The following ADD3 variants were observed in gnomAD, a reference collection of about 807,000 sequenced individuals.
The protein encoded by ADD3 is adducin 3, also known as gamma-adducin.
A neutral mutation model predicts 80.2 loss-of-function variants in ADD3; 25 were observed. The observed-to-expected ratio is 0.31, with a 90% confidence interval of 0.23 to 0.44. The LOEUF is 0.44. Among genes scored for constraint, ADD3 ranks in the 20% least tolerant of loss-of-function variants. ADD3 has a pLI of 1.00. For missense variants in ADD3, 829 were observed against 847.5 expected (o/e 0.98, Z 0.27); for synonymous variants, 284 against 289.6 (o/e 0.98, Z 0.20).
At chr10:110,015,239 A>C (rs892974519) in intron 1 of ADD3, among the ~76,000 whole-genome samples, 2 of 152,118 alleles carry the variant, frequency 1.3e-5, no homozygotes, top group South Asian at 2.1e-4. Context: ...AAGTGTGACA[A>C]ACCTTACTCA....
At chr10:110,009,803 G>A (rs888146879) in intron 1 of ADD3, among the ~76,000 whole-genome samples, 35 of 152,038 alleles carry the variant, frequency 2.3e-4, no homozygotes, top group African/African-American at 8.5e-4. Flanking sequence ...AGAAGAAACG[G>A]GTGTATCTAT....
At chr10:110,001,769 A>G (rs1851491547), upstream of ADD3, among the ~76,000 whole-genome samples, 1 of 152,186 alleles carries the variant, frequency 6.6e-6, no homozygotes, top group Non-Finnish European at 1.5e-5. Flanking sequence ...GTATTTTAGG[A>G]AACACTCCAA....
At chr10:110,098,343 TG>T (rs935085745) in intron 1 of ADD3, among the ~76,000 whole-genome samples, 2 of 152,202 alleles carry the variant, frequency 1.3e-5, no homozygotes, top group African/African-American at 4.8e-5. Flanking sequence ...TTAGAGTATC[TG>T]TTTTATAGGT....
intron 1 of ADD3, among the ~76,000 whole-genome samples, chr10:110,010,810 G>T (rs1048293431): frequency 3.3e-5 from 5 of 152,156 alleles, no homozygotes; most frequent in African/African-American, 4.8e-5. Context: ...ACTGCCCCTT[G>T]TTGCTATTGA....
rs1334386005 is a variant in ADD3 at position 110,126,480 on chromosome 10, ATTG to A, written c.1590_1592del (p.Val531del). 13 of 1,613,436 alleles carry A rather than the reference ATTG, an allele frequency of 8.1e-6. No individual in the cohort carries two copies. Among genetic ancestry groups the A allele is most frequent in the South Asian group, 6.6e-5 (6 of 91,070 alleles). On this transcript the variant is annotated inframe_deletion, in exon 12 of 15. Transcript: ENST00000356080. ...ACCACAATCTCAGTTGCTTGCTGGA[ATTG>A]TTGTGGATAAGCCACCTTCTGTAAG...
chr10:110,081,510 G>T (rs1846056684), intron 1 of ADD3, among the ~76,000 whole-genome samples: 2 of 152,040 alleles, frequency 1.3e-5, no homozygotes, highest in Non-Finnish European at 2.9e-5. Flanking sequence ...TGTTTAAAAA[G>T]AAGGTCTTAA....
At chr10:110,107,751 A>G (rs745934156) in intron 2 of ADD3, among the ~76,000 whole-genome samples, 14 of 152,210 alleles carry the variant, frequency 9.2e-5, no homozygotes, top group Non-Finnish European at 1.9e-4. Flanking sequence ...ATTAAATAAA[A>G]TAACATAAGA....
At chr10:110,041,507 A>G (rs1047953533) in intron 1 of ADD3, among the ~76,000 whole-genome samples, 4 of 152,154 alleles carry the variant, frequency 2.6e-5, no homozygotes, top group African/African-American at 9.7e-5. Flanking sequence ...CTCTAAGCCT[A>G]AGTTTCCTCA....
chr10:110,028,881 C>CTT (rs755564434), intron 1 of ADD3, among the ~76,000 whole-genome samples: 9,673 of 140,252 alleles, frequency 0.069, 454 homozygotes, highest in South Asian at 0.15. Flanking sequence ...CATCACTTTC[C>CTT]TTTTTTTTTT....
intron 1 of ADD3, among the ~76,000 whole-genome samples, chr10:109,999,663 A>T (rs933954595): frequency 1.3e-5 from 2 of 152,264 alleles, no homozygotes; most frequent in African/African-American, 4.8e-5. Context: ...CTTCAAGCAT[A>T]GTGCTTGGCA....
chr10:110,088,834 C>G (rs1316002568), intron 1 of ADD3, among the ~76,000 whole-genome samples: 1 of 152,092 alleles, frequency 6.6e-6, no homozygotes, highest in African/African-American at 2.4e-5. Context: ...TCCCTTTCCC[C>G]CACCGTGGCA....
In ADD3 at chr10:110,014,897, C is replaced by T. The variant is rs184876567; in HGVS notation, c.-30+6598C>T. Among the ~76,000 whole-genome samples the T allele has an allele frequency of 2.1e-4, 32 of 151,084 alleles. No homozygotes were observed. The East Asian group carries it at 2.7e-3, about 13-fold the overall frequency. On this transcript the variant is annotated intron_variant, in intron 1 of 14. Coordinates refer to ENST00000356080, the MANE Select transcript of ADD3 (RefSeq NM_016824.5). ...GGAAGGTAGAATTTTTTTTTTGAGACGGAGTCTCGCACTGTTGCCAGGCTG... is the reference window on the plus strand; with the variant it reads ...GGAAGGTAGAATTTTTTTTTTGAGATGGAGTCTCGCACTGTTGCCAGGCTG...
At chr10:110,131,698 A>G (rs1853027738) in intron 13 of ADD3, among the ~76,000 whole-genome samples, 1 of 152,266 alleles carries the variant, frequency 6.6e-6, no homozygotes, top group Non-Finnish European at 1.5e-5. Flanking sequence ...TTATTCTAAC[A>G]TAAAGTTGGG....
chr10:110,038,055 G>A lies in ADD3; in HGVS notation c.-30+29756G>A, dbSNP rs147625774. 4.7e-3 allele frequency among the ~76,000 whole-genome samples: 416 copies of A among 88,062 alleles called. 2 individuals are homozygous for A. Among genetic ancestry groups the A allele is most frequent in the Non-Finnish European group, 6.5e-3 (317 of 48,414 alleles). The allele number at this position is 88,062 out of a possible 152,430, so 57.8% of individuals were successfully genotyped here. A position where few individuals can be genotyped will look rare whatever the true frequency, so the allele number is the denominator to read the frequency against. ...TTGCACTCCAGCCTGGGCAACAAGAGTAAAACTCCGTCTCAAAAAAAAAAA... is the reference window on the plus strand; with the variant it reads ...TTGCACTCCAGCCTGGGCAACAAGAATAAAACTCCGTCTCAAAAAAAAAAA... On this transcript the variant is annotated intron_variant, in intron 1 of 14. Coordinates refer to ENST00000356080, the MANE Select transcript of ADD3 (RefSeq NM_016824.5).
chr10:110,052,446 C>T (rs559301692), intron 1 of ADD3, among the ~76,000 whole-genome samples: 2 of 152,276 alleles, frequency 1.3e-5, no homozygotes, highest in African/African-American at 2.4e-5. Flanking sequence ...CATAGGGGCC[C>T]GAACCCTGTT....
chr10:110,079,539 T>C (rs11812156), intron 1 of ADD3, among the ~76,000 whole-genome samples: 17,850 of 148,652 alleles, frequency 0.12, 3,549 homozygotes, highest in African/African-American at 0.41. Context: ...TATAAAATTA[T>C]ACCATTATGT....
chr10:110,036,745 T>C (rs1338334003), intron 1 of ADD3, among the ~76,000 whole-genome samples: 2 of 152,156 alleles, frequency 1.3e-5, no homozygotes, highest in African/African-American at 4.8e-5. Context: ...TTGTCATATA[T>C]GTAATCTTCT....
chr10:110,065,539 C>G (rs28514899), intron 1 of ADD3, among the ~76,000 whole-genome samples: 9 of 31,172 alleles, frequency 2.9e-4, no homozygotes, highest in African/African-American at 7.2e-4. Flanking sequence ...TCTCTCTCCC[C>G]TTTTTTTTTT....
chr10:110,111,000 C>G (rs1849942131), intron 2 of ADD3, among the ~76,000 whole-genome samples: 2 of 151,956 alleles, frequency 1.3e-5, no homozygotes, highest in African/African-American at 4.8e-5. Context: ...AAAAAGTTTC[C>G]TAGACATATA....
Sources: gnomAD v4.1 joint callset for allele counts (sites outside exome capture counted in the v4.1 genomes callset) on GRCh38, gnomAD v4.1.1 for gene constraint, MANE v1.5 for transcripts, NCBI Gene and HGNC (gene_info 2026-07-23, HGNC 2026-07-21) for gene names.